The following EP300 variants were observed in gnomAD, a reference collection of about 807,000 sequenced individuals.
The protein encoded by EP300 is EP300 lysine acetyltransferase.
Under a neutral mutation model 264.0 loss-of-function variants are expected in EP300, and 31 were observed. That is an observed-to-expected ratio of 0.12 (90% CI 0.09 to 0.16). EP300 has a LOEUF of 0.16. Ranked by LOEUF, EP300 falls within the 10% of genes least tolerant of loss-of-function variation. EP300 has a pLI of 1.00. For missense variants in EP300, 2,766 were observed against 3,052.9 expected (o/e 0.91, Z 2.21); for synonymous variants, 1,340 against 1,045.4 (o/e 1.28, Z -5.44).
Position 41,179,437 on chromosome 22 carries a change from T to TA in EP300, c.*481_*482insA, listed in dbSNP as rs2059226396. ...AAAAGGGGTTAATGTTACTTTAAAA[T>TA]TACATTCTATATATATATAAATATA... On this transcript the variant is annotated 3_prime_UTR_variant, in exon 31 of 31. Coordinates refer to ENST00000263253, the MANE Select transcript of EP300 (RefSeq NM_001429.4). 5.8e-6 allele frequency: 1 copy of TA among 173,908 alleles called. No individual in the cohort carries two copies. Among genetic ancestry groups the TA allele is most frequent in the African/African-American group, 2.4e-5 (1 of 41,688 alleles). The allele number at this position is 173,908 out of a possible 1,614,324, so 10.8% of individuals were successfully genotyped here.
intron 1 of EP300, among the ~76,000 whole-genome samples, chr22:41,094,802 G>A (rs540560164): frequency 1.3e-5 from 2 of 152,274 alleles, no homozygotes; most frequent in East Asian, 1.9e-4. Flanking sequence ...GACTTGGAAC[G>A]TAGGGGAAAC....
At position 41,170,530 on chromosome 22, in the gene EP300, C is replaced by T. The variant is rs2145766808; in HGVS notation, c.4411C>T (p.Leu1471Phe). The stretch of plus-strand genomic sequence containing the variant: ...ACTGCAGGAATGGTACAAAAAAATG[C>T]TTGACAAGGCTGTATCAGAGCGTAT... ...KRLQEWYKKM[L>F]DKAVSERIVH... The change falls in exon 27 of 31, where the codon CTT becomes TTT. Residue 1471 changes from leucine to phenylalanine, a missense_variant. By Grantham distance (22) the Leu-to-Phe change is conservative (BLOSUM62 0). Coordinates refer to ENST00000263253, the MANE Select transcript of EP300 (RefSeq NM_001429.4). 1 of 1,613,966 alleles carries T rather than the reference C, an allele frequency of 6.2e-7. No individual in the cohort carries two copies. The highest frequency in any genetic ancestry group is 8.5e-7 in the Non-Finnish European group (1 of 1,180,010).
intron 19 of EP300, chr22:41,160,184 A>G (rs1369159058): frequency 5.6e-6 from 1 of 180,090 alleles, no homozygotes; most frequent in Admixed American, 5.5e-5. Context: ...GCTGAAATGA[A>G]AGGATATGGG....
chr22:41,162,118 C>G (rs1390116790), intron 20 of EP300, among the ~76,000 whole-genome samples: 1 of 152,142 alleles, frequency 6.6e-6, no homozygotes, highest in Non-Finnish European at 1.5e-5. Context: ...TTTCTAACTC[C>G]CAGATTGTTC....
intron 21 of EP300, among the ~76,000 whole-genome samples, chr22:41,163,671 C>A (rs957543816): frequency 6.6e-6 from 1 of 150,930 alleles, no homozygotes; most frequent in Non-Finnish European, 1.5e-5. Flanking sequence ...CGCTGGAACC[C>A]GGGAGGCAGG....
intron 9 of EP300, among the ~76,000 whole-genome samples, chr22:41,140,616 G>A (rs959945104): frequency 5.3e-5 from 8 of 151,934 alleles, no homozygotes; most frequent in African/African-American, 1.2e-4. Flanking sequence ...AGACCAGCCC[G>A]GGCAACATAG....
intron 5 of EP300, among the ~76,000 whole-genome samples, chr22:41,130,633 A>G (rs997625499): frequency 6.6e-5 from 10 of 152,228 alleles, no homozygotes; most frequent in African/African-American, 2.2e-4. Context: ...ACAAACAGCA[A>G]TAGGTAAATT....
In EP300 at chr22:41,157,255, G is replaced by A. The variant is rs20554; in HGVS notation, c.3348G>A (p.Gln1116=). ...CTGGACAGTATCAGGAGCCCTGGCA[G>A]TATGTCGATGATATTTGGCTTATGT... ...LDTGQYQEPW[Q]YVDDIWLMFN... The change falls in exon 18 of 31, where the codon CAG becomes CAA. Residue 1116 remains glutamine (Q), a synonymous_variant. Transcript: ENST00000263253. The A allele has an allele frequency of 0.012, 19,126 of 1,614,112 alleles. 1,326 individuals carry two copies. In the East Asian group the frequency reaches 0.17, roughly 14 times the overall value.
intron 14 of EP300, among the ~76,000 whole-genome samples, chr22:41,151,103 A>T (rs1445071466): frequency 1.3e-5 from 2 of 152,022 alleles, no homozygotes; most frequent in Non-Finnish European, 2.9e-5. Context: ...TTTGATACCG[A>T]TATTAATATA....
intron 10 of EP300, among the ~76,000 whole-genome samples, chr22:41,145,761 C>T (rs1317664985): frequency 2.6e-5 from 4 of 151,950 alleles, no homozygotes; most frequent in Admixed American, 6.6e-5. Context: ...CTCAGCCTCC[C>T]GAGTAGCTGG....
intron 21 of EP300, among the ~76,000 whole-genome samples, 174 bp from the exon 22 acceptor site, chr22:41,163,879 C>T (rs1167390613): frequency 1.3e-5 from 2 of 152,208 alleles, no homozygotes; most frequent in Admixed American, 6.5e-5. Context: ...ATGCCACCCA[C>T]TCCAGCCTGT....
At chr22:41,163,789 T>C (rs1227832181) in intron 21 of EP300, among the ~76,000 whole-genome samples, 1 of 151,902 alleles carries the variant, frequency 6.6e-6, no homozygotes, top group Non-Finnish European at 1.5e-5. Flanking sequence ...AGTATGTGCC[T>C]ATCCTAGCCA....
At chr22:41,098,052 G>C (rs1347864211) in intron 1 of EP300, among the ~76,000 whole-genome samples, 1 of 151,814 alleles carries the variant, frequency 6.6e-6, no homozygotes, top group Non-Finnish European at 1.5e-5. Flanking sequence ...ACAACGTGCA[G>C]GTTTGTCACA....
rs1276533617 is a variant in EP300, at chr22:41,137,558, A to G, written c.1623-95A>G. On this transcript the variant is annotated intron_variant, in intron 7 of 30. Transcript: ENST00000263253. Reference sequence around the variant, plus strand: ...AATGCGAATAGAAGTGACATAGCATATTGATTCCATTACAATAATCAGTGT... The same window carrying G: ...AATGCGAATAGAAGTGACATAGCATGTTGATTCCATTACAATAATCAGTGT... 3.3e-6 allele frequency: 5 copies of G among 1,522,972 alleles called. No individual in the cohort carries two copies. In the African/African-American group the frequency reaches 4.1e-5, roughly 13 times the overall value. 94.3% of individuals were successfully genotyped at this position (1,522,972 alleles called of 1,614,324 possible).
rs778740989 is a variant in EP300 at position 41,149,079 on chromosome 22, G to A, written c.2283G>A (p.Gln761=). The A allele has an allele frequency of 1.4e-5, 22 of 1,613,080 alleles. No individual in the cohort carries two copies. Among genetic ancestry groups the A allele is most frequent in the Non-Finnish European group, 1.7e-5 (20 of 1,179,880 alleles). Residue 761 remains glutamine (Q), a synonymous_variant, in exon 13 of 31, where the codon CAG becomes CAA. Transcript: ENST00000263253. The part of the protein sequence containing the change: ...YGPRMQQPSN[Q]GQFLPQTQFP... ...CTCGTATGCAACAGCCTTCCAACCA[G>A]GGCCAGTTCCTTCCTCAGACTCAGT...
At chr22:41,102,918 C>T (rs2058739614) in intron 1 of EP300, among the ~76,000 whole-genome samples, 1 of 152,036 alleles carries the variant, frequency 6.6e-6, no homozygotes, top group Admixed American at 6.6e-5. Context: ...GGTGTGATCT[C>T]AGCTCACTGC....
At position 41,137,662 on chromosome 22, in the gene EP300, G is replaced by T; in HGVS notation, c.1632G>T (p.Met544Ile). ...HSAINSQNPM[M>I]SENASVPSLG... ...TGACCCCTTTTTGAAGCCCAATGAT[G>T]AGTGAAAATGCCAGTGTGCCCTCCC... The change falls in exon 8 of 31, where the codon ATG becomes ATT. Residue 544 changes from methionine (M) to isoleucine (I), a missense_variant. By Grantham distance (10) the Met-to-Ile change is conservative (BLOSUM62 1). Coordinates refer to ENST00000263253, the MANE Select transcript of EP300 (RefSeq NM_001429.4). 6.2e-7 allele frequency: 1 copy of T among 1,614,128 alleles called. No individual in the cohort carries two copies. The highest frequency in any genetic ancestry group is 8.5e-7 in the Non-Finnish European group (1 of 1,180,026).
At chr22:41,176,667 G>A (rs2059202370) in intron 30 of EP300, 106 bp from the exon 31 acceptor site, 2 of 1,611,516 alleles carry the variant, frequency 1.2e-6, no homozygotes, top group Non-Finnish European at 1.7e-6. Flanking sequence ...GAAGAGGCTA[G>A]TTTTTGTTCT....
chr22:41,094,913 G>A (rs1347260052), intron 1 of EP300, among the ~76,000 whole-genome samples: 2 of 151,856 alleles, frequency 1.3e-5, no homozygotes, highest in Non-Finnish European at 2.9e-5. Flanking sequence ...TCTCCATGTC[G>A]GTCTGTTTTG....
Sources: allele counts gnomAD v4.1 joint callset (sites outside exome capture counted in the v4.1 genomes callset), GRCh38; gene constraint gnomAD v4.1.1; transcripts MANE v1.5; gene names NCBI Gene and HGNC (gene_info 2026-07-23, HGNC 2026-07-21).